ARIH2: variants seen among roughly 807,000 people sequenced by gnomAD.
ARIH2 encodes the protein ariadne RBR E3 ubiquitin protein ligase 2.
In ARIH2, 12 loss-of-function variants were observed where a neutral mutation model predicts 79.8. The ratio of observed to expected loss-of-function variants is 0.15; its 90% CI spans 0.10 to 0.24. The LOEUF is 0.24. Among genes scored for constraint, ARIH2 ranks in the 10% least tolerant of loss-of-function variants. ARIH2 has a pLI of 1.00. For missense variants in ARIH2, 301 were observed against 618.3 expected (o/e 0.49, Z 5.44); for synonymous variants, 224 against 213.9 (o/e 1.05, Z -0.41).
chr3:48,981,186 G>A (rs1013975663), intron 13 of ARIH2, among the ~76,000 whole-genome samples: 1 of 151,706 alleles, frequency 6.6e-6, no homozygotes, highest in African/African-American at 2.4e-5. Flanking sequence ...ACAAACGTTC[G>A]CCTGGTGTGG....
intron 3 of ARIH2, among the ~76,000 whole-genome samples, chr3:48,951,272 A>AT (rs1295423743): frequency 2.0e-5 from 3 of 151,556 alleles, no homozygotes; most frequent in Non-Finnish European, 2.9e-5. Context: ...CCAACTTTGT[A>AT]TTTTTTTTAC....
chr3:48,980,603 G>T lies in ARIH2; in HGVS notation c.1257+107G>T, dbSNP rs1054012277. 3 of 1,312,570 alleles carry T rather than the reference G, an allele frequency of 2.3e-6. No homozygotes were observed. The African/African-American group carries it at 4.4e-5, about 19-fold the overall frequency. The allele number at this position is 1,312,570 out of a possible 1,614,324, so 81.3% of individuals were successfully genotyped here. ...TTGAAAGAGGGTATTTTAGCACCCT[G>T]TGCAGCCTTTCATGCTTCTGCTTGT... is the stretch of plus-strand genomic sequence containing the variant. On this transcript the variant is annotated intron_variant, in intron 13 of 15. Transcript: ENST00000356401.
intron 3 of ARIH2, chr3:48,945,300 C>A: frequency 1.2e-6 from 1 of 821,842 alleles, no homozygotes; most frequent in Non-Finnish European, 1.7e-6. Context: ...AGAGCTTCAG[C>A]CAGCTAGAGG....
At chr3:48,952,959 C>T (rs1385912495) in intron 3 of ARIH2, among the ~76,000 whole-genome samples, 2 of 151,572 alleles carry the variant, frequency 1.3e-5, no homozygotes, top group Non-Finnish European at 2.9e-5. Context: ...AACGCAGTCT[C>T]GTTCTTGTCA....
chr3:48,970,887 A>T, intron 8 of ARIH2, 183 bp downstream of exon 8: 1 of 529,778 alleles, frequency 1.9e-6, no homozygotes, highest in South Asian at 2.1e-5. Flanking sequence ...TCTTCAATAC[A>T]TGCTCAGTCT....
chr3:48,973,686 T>C lies in ARIH2; in HGVS notation c.771-13T>C, dbSNP rs1280767050. The C allele has an allele frequency of 1.9e-6, 3 of 1,603,064 alleles. No individual in the cohort carries two copies. The highest frequency in any genetic ancestry group is 1.3e-5 in the African/African-American group (1 of 74,760). ...TAATGAATATTTGAATGTTTTTCTT[T>C]TCCAATTTTAAGTTTCAAGTGTCGT... On this transcript the variant is annotated splice_polypyrimidine_tract_variant and intron_variant, in intron 8 of 15. Transcript: ENST00000356401.
At chr3:48,978,416 TG>T (rs1270149427) in intron 11 of ARIH2, among the ~76,000 whole-genome samples, 1 of 40,766 alleles carries the variant, frequency 2.5e-5, no homozygotes, top group Middle Eastern at 0.013. Context: ...CTGGCTAATT[TG>T]TGTATGTGTG....
chr3:48,955,132 A>G (rs1266431999), intron 3 of ARIH2, among the ~76,000 whole-genome samples: 1 of 152,234 alleles, frequency 6.6e-6, no homozygotes, highest in African/African-American at 2.4e-5. Flanking sequence ...CGAGAAGCAG[A>G]GGTTGCAGTG....
At chr3:48,937,158 G>A (rs1312301151) in intron 3 of ARIH2, among the ~76,000 whole-genome samples, 2 of 152,242 alleles carry the variant, frequency 1.3e-5, no homozygotes, top group Non-Finnish European at 2.9e-5. Context: ...TCTTATAATT[G>A]TGAACAAAAT....
Position 48,983,384 on chromosome 3 carries a change from A to T in ARIH2, c.*114A>T. ...GACCCCAGGCAACAGCCAGGGCCCC[A>T]CTCCTGAGAGACACTGGCAACACCT... is the stretch of plus-strand genomic sequence containing the variant. On this transcript the variant is annotated 3_prime_UTR_variant, in exon 16 of 16. Transcript: ENST00000356401. The T allele has an allele frequency of 2.1e-6, 2 of 962,540 alleles. No individual in the cohort carries two copies. 59.6% of individuals were successfully genotyped at this position (962,540 alleles called of 1,614,324 possible). A position where few individuals can be genotyped will look rare whatever the true frequency, so the allele number is the denominator to read the frequency against.
At chr3:48,936,859 T>A (rs1413203653) in intron 3 of ARIH2, among the ~76,000 whole-genome samples, 1 of 152,084 alleles carries the variant, frequency 6.6e-6, no homozygotes, top group Non-Finnish European at 1.5e-5. Context: ...AAACCCTGTC[T>A]GTACTAAAAG....
rs762534832 is a variant in ARIH2 at position 48,973,703 on chromosome 3, A to C, written c.775A>C (p.Lys259Gln). 1 of 1,611,030 alleles carries C rather than the reference A, an allele frequency of 6.2e-7. No homozygotes were observed. Among genetic ancestry groups the C allele is most frequent in the South Asian group, 1.1e-5 (1 of 90,838 alleles). Residue 259 changes from lysine to glutamine, a missense_variant, in exon 9 of 16, where the codon AAG (lysine) becomes CAG (glutamine). By Grantham distance (53) the Lys-to-Gln change is moderately conservative (BLOSUM62 1). Coordinates refer to ENST00000356401, the MANE Select transcript of ARIH2 (RefSeq NM_006321.4). ...CNRCNEVFCFKCRQMYHAPTD... is the reference protein window; with the variant it reads ...CNRCNEVFCFQCRQMYHAPTD... ...TTTTTCTTTTCCAATTTTAAGTTTC[A>C]AGTGTCGTCAGATGTATCACGCACC... is the stretch of plus-strand genomic sequence containing the variant.
At chr3:48,944,416 C>T (rs768892444) in intron 3 of ARIH2, among the ~76,000 whole-genome samples, 16 of 151,948 alleles carry the variant, frequency 1.1e-4, no homozygotes, top group Admixed American at 2.6e-4. Flanking sequence ...TGATTGGAGT[C>T]CATAGCAATT....
intron 8 of ARIH2, 175 bp downstream of exon 8, chr3:48,970,879 T>C (rs1297774240): frequency 1.8e-6 from 1 of 546,138 alleles, no homozygotes; most frequent in Non-Finnish European, 3.3e-6. Context: ...CCACTAGGTC[T>C]TCAATACATG....
chr3:48,963,511 G>A (rs1325242335), intron 4 of ARIH2, among the ~76,000 whole-genome samples: 1 of 152,096 alleles, frequency 6.6e-6, no homozygotes, highest in African/African-American at 2.4e-5. Flanking sequence ...TGTTGACCTG[G>A]GCTTTGTGTG....
intron 3 of ARIH2, among the ~76,000 whole-genome samples, chr3:48,932,775 C>T (rs989270123): frequency 6.6e-5 from 10 of 152,230 alleles, no homozygotes; most frequent in East Asian, 1.9e-4. Context: ...GGACCCACCC[C>T]ATTGCTTCAG....
At chr3:48,946,731 T>A (rs187467618) in intron 3 of ARIH2, among the ~76,000 whole-genome samples, 7 of 152,124 alleles carry the variant, frequency 4.6e-5, no homozygotes, top group African/African-American at 1.2e-4. Context: ...AGCTCCCCAG[T>A]AGCGTCTAAC....
intron 3 of ARIH2, among the ~76,000 whole-genome samples, chr3:48,954,498 A>G (rs1389519483): frequency 1.3e-5 from 2 of 152,148 alleles, no homozygotes; most frequent in Non-Finnish European, 2.9e-5. Context: ...GCTGGTCTCA[A>G]ACTTCTGAAT....
intron 3 of ARIH2, among the ~76,000 whole-genome samples, chr3:48,939,348 G>T (rs577953033): frequency 6.6e-6 from 1 of 152,074 alleles, no homozygotes; most frequent in Non-Finnish European, 1.5e-5. Flanking sequence ...TCATCTGGGG[G>T]CCCTTGAGTC....
Sources: allele counts gnomAD v4.1 joint callset (sites outside exome capture counted in the v4.1 genomes callset), GRCh38; gene constraint gnomAD v4.1.1; transcripts MANE v1.5; gene names NCBI Gene and HGNC (gene_info 2026-07-23, HGNC 2026-07-21).